The following UBAP2 variants were observed in gnomAD, a reference collection of about 807,000 sequenced individuals.
UBAP2 encodes ubiquitin-associated protein 2.
UBAP2 carries 75 observed loss-of-function variants against 139.6 expected under a neutral mutation model. The ratio of observed to expected loss-of-function variants is 0.54; its 90% CI spans 0.45 to 0.65. The LOEUF (loss-of-function observed/expected upper bound fraction) is 0.65, where lower values mean the gene tolerates loss of function less well. Among genes scored for constraint, UBAP2 ranks in the 30% least tolerant of loss-of-function variants. The pLI, the probability that UBAP2 is intolerant of heterozygous loss-of-function variation, is 0.00. For missense variants in UBAP2, 1,368 were observed against 1,369.6 expected, an observed-to-expected ratio of 1.00 and a Z score of 0.02; for synonymous variants, 526 against 526.2, an observed-to-expected ratio of 1.00 and a Z score of 0.01.
chr9:33,969,601 T>C lies in UBAP2; in HGVS notation c.679+2050A>G, dbSNP rs533716198. 1.1e-3 allele frequency among the ~76,000 whole-genome samples: 171 copies of C among 150,656 alleles called. 2 individuals are homozygous for C. Among genetic ancestry groups the C allele is most frequent in the Admixed American group, 6.0e-4 (9 of 15,122 alleles). Reference sequence around the variant, plus strand: ...AGAAAAGAAGGTGGGGCACGGTGGCTTACGCCTATAATCCCATCACTTTGG... The same window carrying C: ...AGAAAAGAAGGTGGGGCACGGTGGCCTACGCCTATAATCCCATCACTTTGG... On this transcript the variant is annotated intron_variant, in intron 8 of 28. Transcript: ENST00000379238.
intron 1 of UBAP2, among the ~76,000 whole-genome samples, chr9:34,027,722 G>T (rs1825528063): frequency 6.6e-6 from 1 of 151,704 alleles, no homozygotes; most frequent in Admixed American, 6.6e-5. Context: ...TTAGCCGGGG[G>T]TGGTGGCGGG....
chr9:33,997,466 A>T (rs1242657574), intron 3 of UBAP2: 1 of 152,188 alleles, frequency 6.6e-6, no homozygotes, highest in Non-Finnish European at 1.5e-5. Flanking sequence ...AGGCCTCCTG[A>T]TCTCATAATC....
Position 33,963,754 on chromosome 9 carries a change from C to G in UBAP2, c.717G>C (p.Leu239=). 1 of 1,612,396 alleles carries G rather than the reference C, an allele frequency of 6.2e-7. No homozygotes were observed. Among genetic ancestry groups the G allele is most frequent in the Non-Finnish European group, 8.5e-7 (1 of 1,178,804 alleles). Residue 239 remains leucine (L), a synonymous_variant, in exon 9 of 29, where the codon CTG becomes CTC. Transcript: ENST00000379238. ...ASNTHNIAQD[L]SNKSSYGLKG... ...TGAGTCCATAAGAACTTTTGTTTGA[C>G]AGATCCTGAGCTATGTTGTGAGTAT... is the stretch of plus-strand genomic sequence containing the variant.
At chr9:33,978,232 G>T (rs1820325208) in intron 6 of UBAP2, among the ~76,000 whole-genome samples, 1 of 151,904 alleles carries the variant, frequency 6.6e-6, no homozygotes, top group African/African-American at 2.4e-5. Flanking sequence ...GTACTACAGA[G>T]GATTCGAAAT....
At chr9:33,934,474 G>A (rs1341869067) in intron 17 of UBAP2, 1 of 155,698 alleles carries the variant, frequency 6.4e-6, no homozygotes, top group African/African-American at 2.4e-5. Flanking sequence ...AGCAATGAAA[G>A]GGTCAACTTA....
chr9:34,032,873 G>A (rs1341571151), intron 1 of UBAP2, among the ~76,000 whole-genome samples: 2 of 145,932 alleles, frequency 1.4e-5, no homozygotes, highest in African/African-American at 2.5e-5. Flanking sequence ...GCAGTGAGCC[G>A]CCACTGTACT....
intron 8 of UBAP2, 112 bp downstream of exon 8, chr9:33,971,539 G>A: frequency 1.4e-6 from 1 of 711,446 alleles, no homozygotes; most frequent in Non-Finnish European, 2.5e-6. Flanking sequence ...ACAGTAGCCT[G>A]TTTTTCATTC....
At chr9:33,986,454 A>T (rs1781250444) in intron 6 of UBAP2, among the ~76,000 whole-genome samples, 1 of 152,196 alleles carries the variant, frequency 6.6e-6, no homozygotes, top group Non-Finnish European at 1.5e-5. Context: ...TAAGGTTTAA[A>T]AAACCCTATT....
chr9:34,032,006 A>G (rs564857271), intron 1 of UBAP2, among the ~76,000 whole-genome samples: 2 of 151,906 alleles, frequency 1.3e-5, no homozygotes, highest in African/African-American at 4.8e-5. Flanking sequence ...TTAGCCAGGT[A>G]TGGTGGCGCA....
chr9:34,021,633 T>A (rs10568898), intron 1 of UBAP2, among the ~76,000 whole-genome samples: 8 of 446 alleles, frequency 0.018, no homozygotes, highest in African/African-American at 0.025. Context: ...ATCCATTTGA[T>A]TTTTTTTTTT....
In UBAP2 at chr9:34,020,021, A is replaced by G. The variant is rs1449313423; in HGVS notation, c.-41-2832T>C. 7.2e-5 allele frequency among the ~76,000 whole-genome samples: 11 copies of G among 151,874 alleles called. No individual in the cohort carries two copies. In the South Asian group the frequency reaches 1.0e-3, roughly 14 times the overall value. On this transcript the variant is annotated intron_variant, in intron 1 of 28. Transcript: ENST00000379238. The stretch of plus-strand genomic sequence containing the variant: ...CTAAAAATACAAAAATTAGCCAGGC[A>G]TGGTGGCAGACGCCTGTAATCCCAG...
chr9:33,924,065 C>T lies in UBAP2; in HGVS notation c.2591-65G>A. On this transcript the variant is annotated intron_variant, in intron 23 of 28. Transcript: ENST00000379238. Reference sequence around the variant, plus strand: ...AACCAGAGAAAGGCCACACTGGCTTCTGCAAACAGGAACAGGTCTGGCTGC... The same window carrying T: ...AACCAGAGAAAGGCCACACTGGCTTTTGCAAACAGGAACAGGTCTGGCTGC... The T allele has an allele frequency of 2.5e-6, 4 of 1,601,224 alleles. No homozygotes were observed. In the South Asian group the frequency reaches 4.4e-5, roughly 18 times the overall value.
chr9:33,986,894 C>A, intron 5 of UBAP2, 57 bp from the exon 6 acceptor site: 1 of 1,438,492 alleles, frequency 7.0e-7, no homozygotes. Context: ...TTGTACATAA[C>A]CTTATCAAGC....
Position 33,944,421 on chromosome 9 carries a change from G to A in UBAP2, c.1489C>T (p.Gln497Ter). ...AGTTTGATGTGTTTGGGCTGTGGCT[G>A]GTGGACAGACACAGAGATATTTTCA... The part of the protein sequence containing the change: ...TIENISVSVH[Q>*]PQPKHIKLAK... Residue 497 changes from glutamine (Q) to a stop codon, truncating the protein, a stop_gained, in exon 14 of 29, where the codon CAG (glutamine) becomes TAG (stop). Transcript: ENST00000379238. LOFTEE classifies it high-confidence loss of function. 6.2e-7 allele frequency: 1 copy of A among 1,614,144 alleles called. No homozygotes were observed. The highest frequency in any genetic ancestry group is 8.5e-7 in the Non-Finnish European group (1 of 1,180,032).
intron 10 of UBAP2, among the ~76,000 whole-genome samples, chr9:33,958,874 C>T (rs1465078365): frequency 2.6e-5 from 4 of 151,846 alleles, no homozygotes; most frequent in African/African-American, 7.3e-5. Flanking sequence ...AAAGGCCGGG[C>T]GCAGTGGCTC....
intron 2 of UBAP2, among the ~76,000 whole-genome samples, chr9:34,003,265 G>A (rs1011841358): frequency 6.6e-6 from 1 of 151,244 alleles, no homozygotes; most frequent in Admixed American, 6.6e-5. Flanking sequence ...GTCTGACCTC[G>A]AGTGATCTGC....
At chr9:34,037,325 G>A (rs551146233) in intron 1 of UBAP2, among the ~76,000 whole-genome samples, 2 of 152,204 alleles carry the variant, frequency 1.3e-5, no homozygotes, top group South Asian at 4.2e-4. Context: ...GGTAGAGGTA[G>A]GGTTTCACCA....
chr9:33,953,323 T>A lies in UBAP2; in HGVS notation c.1018A>T (p.Ser340Cys). The change falls in exon 12 of 29, where the codon AGC becomes TGC. Residue 340 changes from serine to cysteine, a missense_variant. Ser to Cys is a moderately radical substitution (Grantham distance 112, BLOSUM62 -1). Coordinates refer to ENST00000379238, the MANE Select transcript of UBAP2 (RefSeq NM_001370062.2). ...GAACAGGAGTTGACGGCAGTGGAGC[T>A]GCCAGTCCCTGGTGCCATCTGATTG... ...HNNQMAPGTGSSTAVNSCSPQ... is the reference protein window; with the variant it reads ...HNNQMAPGTGCSTAVNSCSPQ... 3 of 1,614,232 alleles carry A rather than the reference T, an allele frequency of 1.9e-6. No homozygotes were observed. The highest frequency in any genetic ancestry group is 2.5e-6 in the Non-Finnish European group (3 of 1,180,038).
chr9:33,943,943 G>T (rs1825447746), intron 14 of UBAP2, among the ~76,000 whole-genome samples: 1 of 152,010 alleles, frequency 6.6e-6, no homozygotes, highest in Admixed American at 6.6e-5. Flanking sequence ...AACAGGAATG[G>T]TTGGCATTAA....
Sources: gnomAD v4.1 joint callset for allele counts (sites outside exome capture counted in the v4.1 genomes callset) on GRCh38, gnomAD v4.1.1 for gene constraint, MANE v1.5 for transcripts, NCBI Gene and HGNC (gene_info 2026-07-23, HGNC 2026-07-21) for gene names.